The following GBE1 variants were observed in gnomAD, a reference collection of about 807,000 sequenced individuals.
GBE1 encodes 1,4-alpha-glucan branching enzyme 1.
Under a neutral mutation model 88.8 loss-of-function variants are expected in GBE1, and 70 were observed. The ratio of observed to expected loss-of-function variants is 0.79; its 90% CI spans 0.65 to 0.96. The LOEUF (loss-of-function observed/expected upper bound fraction) is 0.96. Ranked by LOEUF, GBE1 falls within the 40% of genes least tolerant of loss-of-function variation. GBE1 has a pLI of 0.00. For missense variants in GBE1, 872 were observed against 871.0 expected (o/e 1.00, Z -0.01); for synonymous variants, 284 against 300.1 (o/e 0.95, Z 0.56).
intron 2 of GBE1, among the ~76,000 whole-genome samples, chr3:81,702,358 C>A (rs977022029): frequency 2.0e-5 from 3 of 151,618 alleles, no homozygotes; most frequent in Admixed American, 1.3e-4. Context: ...AAGTCAAAGC[C>A]CATTAGTGAA....
intron 12 of GBE1, among the ~76,000 whole-genome samples, chr3:81,546,434 T>C (rs1457290978): frequency 1.3e-5 from 2 of 152,094 alleles, no homozygotes; most frequent in Non-Finnish European, 2.9e-5. Context: ...CTGGGTAAAA[T>C]AAGGATGAGA....
chr3:81,623,607 T>G (rs1704362292), intron 7 of GBE1, among the ~76,000 whole-genome samples: 1 of 152,174 alleles, frequency 6.6e-6, no homozygotes, highest in South Asian at 2.1e-4. Context: ...CTCAAACTTT[T>G]GTTAAATTAG....
In GBE1 at chr3:81,721,218, AAT is replaced by A. The variant is rs1393220557; in HGVS notation, c.144-15607_144-15606del. On this transcript the variant is annotated intron_variant, in intron 1 of 15. Transcript: ENST00000429644. ...GAGTATAATAAAAAATAAATAAATA[AAT>A]AAATAAATAAATAAAAACACATGAA... 1.9e-4 allele frequency among the ~76,000 whole-genome samples: 19 copies of A among 102,548 alleles called. No homozygotes were observed. The East Asian group carries it at 0.011, about 58-fold the overall frequency. 67.3% of individuals were successfully genotyped at this position (102,548 alleles called of 152,430 possible). A position where few individuals can be genotyped will look rare whatever the true frequency, so the allele number is the denominator to read the frequency against.
At chr3:81,711,854 T>C (rs144614060) in intron 1 of GBE1, among the ~76,000 whole-genome samples, 6,276 of 151,766 alleles carry the variant, frequency 0.041, 436 homozygotes, top group East Asian at 0.34. Context: ...AAACTACCAT[T>C]GAAGTGAACA....
intron 3 of GBE1, among the ~76,000 whole-genome samples, chr3:81,657,069 T>C (rs1168408975): frequency 1.3e-5 from 2 of 150,638 alleles, no homozygotes; most frequent in Non-Finnish European, 2.9e-5. Context: ...AACAGGAGAA[T>C]TGCTTGAACC....
At chr3:81,711,104 T>C (rs1705859228) in intron 1 of GBE1, among the ~76,000 whole-genome samples, 3 of 152,160 alleles carry the variant, frequency 2.0e-5, no homozygotes, top group African/African-American at 7.2e-5. Context: ...AAGCTCTAAT[T>C]ACAGAAAGGA....
chr3:81,490,930 T>A (rs1288266935), intron 15 of GBE1, among the ~76,000 whole-genome samples: 1 of 152,084 alleles, frequency 6.6e-6, no homozygotes, highest in Non-Finnish European at 1.5e-5. Flanking sequence ...TAACTCTCAA[T>A]TTAAACCAAT....
chr3:81,636,972 A>C (rs190092490), intron 7 of GBE1, among the ~76,000 whole-genome samples: 58 of 152,290 alleles, frequency 3.8e-4, no homozygotes, highest in Admixed American at 3.8e-3. Context: ...CCTTATTTTT[A>C]GGAGATACAG....
intron 12 of GBE1, among the ~76,000 whole-genome samples, chr3:81,546,189 C>A (rs772301549): frequency 1.3e-5 from 2 of 151,776 alleles, no homozygotes; most frequent in Non-Finnish European, 2.9e-5. Flanking sequence ...AAAGTAGAAA[C>A]CACTGTACAT....
chr3:81,684,646 G>A (rs1705406449), intron 2 of GBE1, among the ~76,000 whole-genome samples: 1 of 152,110 alleles, frequency 6.6e-6, no homozygotes, highest in Non-Finnish European at 1.5e-5. Context: ...TTGAGGAGAC[G>A]CAAACACTCA....
intron 14 of GBE1, among the ~76,000 whole-genome samples, chr3:81,508,250 T>C (rs1702680406): frequency 6.6e-6 from 1 of 152,192 alleles, no homozygotes. Context: ...GAAACTTTTC[T>C]GTATCCTAGA....
intron 12 of GBE1, among the ~76,000 whole-genome samples, chr3:81,567,709 T>C (rs1559647495): frequency 6.6e-6 from 1 of 152,190 alleles, no homozygotes; most frequent in Non-Finnish European, 1.5e-5. Context: ...CAAAATTATA[T>C]CTTGACTCTT....
At chr3:81,621,468 C>T (rs182847922) in intron 7 of GBE1, among the ~76,000 whole-genome samples, 18 of 152,214 alleles carry the variant, frequency 1.2e-4, no homozygotes, top group Admixed American at 5.2e-4. Context: ...AAAGAGCCCT[C>T]GTTGTGACTT....
chr3:81,562,058 A>T (rs1703426383), intron 12 of GBE1, among the ~76,000 whole-genome samples: 1 of 152,104 alleles, frequency 6.6e-6, no homozygotes, highest in African/African-American at 2.4e-5. Context: ...ACACACTCGC[A>T]TCTGTCTTGC....
At chr3:81,649,054 A>G (rs940716173) in intron 4 of GBE1, 63 bp from the exon 5 acceptor site, 20 of 1,116,474 alleles carry the variant, frequency 1.8e-5, no homozygotes, top group Non-Finnish European at 2.4e-5. Flanking sequence ...CTACCTGATC[A>G]AGTATATTTT....
At chr3:81,712,799 AAAATAAAT>A (rs377738556) in intron 1 of GBE1, among the ~76,000 whole-genome samples, 26 of 149,392 alleles carry the variant, frequency 1.7e-4, no homozygotes, top group Non-Finnish European at 2.9e-4. Context: ...AAGTATAATA[AAAATAAAT>A]AAATAAATAA....
chr3:81,633,029 G>C (rs1183897600), intron 7 of GBE1, among the ~76,000 whole-genome samples: 1 of 152,030 alleles, frequency 6.6e-6, no homozygotes, highest in African/African-American at 2.4e-5. Context: ...TCTGAATTTT[G>C]TCCTTCTACC....
At chr3:81,679,357 A>C (rs1705306743) in intron 2 of GBE1, among the ~76,000 whole-genome samples, 1 of 152,220 alleles carries the variant, frequency 6.6e-6, no homozygotes, top group South Asian at 2.1e-4. Flanking sequence ...GGATATGAGG[A>C]TATTCAACCA....
rs3836326 is a variant in GBE1 at position 81,649,512 on chromosome 3, T to TAA, written c.555+282_555+283dup. ...CTCTGATCAATCAGAAATTGTAGTT[T>TAA]AAAAAAAAAACCAGTATCCCTTATA... On this transcript the variant is annotated intron_variant, in intron 4 of 15. Coordinates refer to ENST00000429644, the MANE Select transcript of GBE1 (RefSeq NM_000158.4). Among the ~76,000 whole-genome samples the TAA allele has an allele frequency of 4.8e-3, 715 of 149,752 alleles. 3 individuals carry two copies. Among genetic ancestry groups the TAA allele is most frequent in the Non-Finnish European group, 7.9e-3 (531 of 67,186 alleles).
Sources: allele counts gnomAD v4.1 joint callset (sites outside exome capture counted in the v4.1 genomes callset), GRCh38; gene constraint gnomAD v4.1.1; transcripts MANE v1.5; gene names NCBI Gene and HGNC (gene_info 2026-07-23, HGNC 2026-07-21).